SUMF2: variants seen among roughly 807,000 people sequenced by gnomAD.
The protein encoded by SUMF2 is sulfatase modifying factor 2.
A neutral mutation model predicts 44.8 loss-of-function variants in SUMF2; 45 were observed. The observed-to-expected ratio is 1.00, with a 90% CI of 0.79 to 1.29. The LOEUF (loss-of-function observed/expected upper bound fraction) is 1.29. Among genes scored for constraint, SUMF2 ranks in the 50% most tolerant of loss-of-function variants. The pLI is 0.00. For missense variants in SUMF2, 418 were observed against 389.9 expected, an observed-to-expected ratio of 1.07 and a Z score of -0.61; for synonymous variants, 148 against 150.4, an observed-to-expected ratio of 0.98 and a Z score of 0.12.
At chr7:56,077,174 G>A (rs1283783663) in intron 6 of SUMF2, among the ~76,000 whole-genome samples, 1 of 151,108 alleles carries the variant, frequency 6.6e-6, no homozygotes, top group Non-Finnish European at 1.5e-5. Flanking sequence ...AGTCTCCCAA[G>A]TAGTTGGGAT....
At position 56,078,347 on chromosome 7, in the gene SUMF2, C is replaced by G. The variant is rs372803307; in HGVS notation, c.677-17C>G. 2 of 1,582,212 alleles carry G rather than the reference C, an allele frequency of 1.3e-6. No homozygotes were observed. Among genetic ancestry groups the G allele is most frequent in the Non-Finnish European group, 1.7e-6 (2 of 1,161,728 alleles). ...CGGCGGGTCCCAGCCTGGCCTGACC[C>G]GCCGGTGGGGCTGCAGGGCTCTATG... On this transcript the variant is annotated splice_polypyrimidine_tract_variant and intron_variant, in intron 7 of 8. Transcript: ENST00000434526.
chr7:56,078,470 T>G lies in SUMF2; in HGVS notation c.783T>G (p.Ala261=). Residue 261 remains alanine, a synonymous_variant, in exon 8 of 9, where the codon GCT becomes GCG. Coordinates refer to ENST00000434526, the MANE Select transcript of SUMF2 (RefSeq NM_015411.4). ...GGGGGGCATCCTGGATCGACACAGC[T>G]GATGGCTCTGCCAATCACCGGGCCC... ...VLRGASWIDT[A]DGSANHRARV... is the part of the protein sequence containing the mutation. 6.3e-7 allele frequency: 1 copy of G among 1,598,096 alleles called. No homozygotes were observed.
chr7:56,064,432 C>T, intron 1 of SUMF2, 54 bp downstream of exon 1: 1 of 1,555,898 alleles, frequency 6.4e-7, no homozygotes, highest in Non-Finnish European at 8.7e-7. Flanking sequence ...TGGGGCGCTC[C>T]GCCCTGACGG....
At chr7:56,083,560 A>C, downstream of SUMF2, 2 of 1,489,034 alleles carry the variant, frequency 1.3e-6, no homozygotes, top group Non-Finnish European at 1.9e-6. Flanking sequence ...CAGCCCAGAC[A>C]TGTGCACGCC....
the SUMF2 span, among the ~76,000 whole-genome samples, chr7:56,086,187 TTA>T: frequency 1.3e-5 from 2 of 151,726 alleles, no homozygotes; most frequent in African/African-American, 4.8e-5. Context: ...TTGTTCTACT[TTA>T]TATATGTCTA....
downstream of SUMF2, chr7:56,081,399 G>A: frequency 6.9e-7 from 1 of 1,441,986 alleles, no homozygotes; most frequent in Non-Finnish European, 9.2e-7. This position sits in a 1 kb window ranked among gnomAD's most constrained non-coding sequence, Gnocchi z 4.6. Flanking sequence ...ACGAAGCCTT[G>A]GGTGGCTTCT....
chr7:56,079,411 C>G (rs534742538), intron 8 of SUMF2, 117 bp from the exon 9 acceptor site: 1 of 1,049,794 alleles, frequency 9.5e-7, no homozygotes, highest in East Asian at 2.4e-5. Flanking sequence ...CCATGCTCTC[C>G]CCAGCCCTCA....
intron 5 of SUMF2, chr7:56,076,543 G>A (rs150535826): frequency 3.2e-6 from 1 of 314,354 alleles, no homozygotes; most frequent in African/African-American, 2.1e-5. Context: ...CAAGTTTCTC[G>A]ATTTCTGTAC....
At chr7:56,071,700 G>T (rs1232359646) in intron 2 of SUMF2, among the ~76,000 whole-genome samples, 3 of 150,704 alleles carry the variant, frequency 2.0e-5, no homozygotes, top group African/African-American at 7.4e-5. Context: ...CAAGATTATC[G>T]CTTGAACCCA....
At chr7:56,078,322 C>A in intron 7 of SUMF2, 42 bp from the exon 8 acceptor site, 1 of 1,556,408 alleles carries the variant, frequency 6.4e-7, no homozygotes, top group South Asian at 1.2e-5. Flanking sequence ...GCGGGGTGGT[C>A]GGCGGGTCCC....
chr7:56,070,658 T>C (rs754528502), intron 2 of SUMF2, among the ~76,000 whole-genome samples: 58 of 150,854 alleles, frequency 3.8e-4, no homozygotes, highest in Non-Finnish European at 3.4e-4. Flanking sequence ...AAAGATGTGC[T>C]GGAGACCTTT....
intron 1 of SUMF2, among the ~76,000 whole-genome samples, chr7:56,066,206 A>G (rs1454926576): frequency 6.6e-6 from 1 of 152,180 alleles, no homozygotes; most frequent in Non-Finnish European, 1.5e-5. Flanking sequence ...CTTGAGGAAC[A>G]TCAAAAGACA....
intron 1 of SUMF2, among the ~76,000 whole-genome samples, chr7:56,065,190 C>CAAAAA (rs60513641): frequency 1.8e-5 from 1 of 56,558 alleles, no homozygotes; most frequent in Admixed American, 2.2e-4. Flanking sequence ...GACTCCGTCT[C>CAAAAA]AAAAAAAAAA....
the SUMF2 span, chr7:56,087,472 G>A: frequency 2.4e-6 from 2 of 826,470 alleles, no homozygotes; most frequent in African/African-American, 1.7e-5. Flanking sequence ...AGTGAGGGTG[G>A]AGCTGGGAGC....
intron 2 of SUMF2, 119 bp from the exon 3 acceptor site, chr7:56,072,878 A>G: frequency 1.5e-6 from 1 of 677,186 alleles, no homozygotes; most frequent in Middle Eastern, 2.5e-4. Context: ...CTTGGCAATC[A>G]TGAACACTCT....
chr7:56,068,773 G>A (rs543835177), intron 2 of SUMF2, 135 bp downstream of exon 2: 8 of 999,796 alleles, frequency 8.0e-6, no homozygotes, highest in African/African-American at 3.4e-5. Flanking sequence ...GCGCAATCTC[G>A]CTCACTGCAA....
chr7:56,075,944 C>A (rs1444973134), intron 5 of SUMF2, among the ~76,000 whole-genome samples: 1 of 151,998 alleles, frequency 6.6e-6, no homozygotes, highest in East Asian at 2.0e-4. Flanking sequence ...CTCCCTGCAA[C>A]CTCCGCCTCC....
At chr7:56,076,914 C>A in intron 6 of SUMF2, 25 bp downstream of exon 6, 1 of 1,598,310 alleles carries the variant, frequency 6.3e-7, no homozygotes, top group Non-Finnish European at 8.5e-7. Context: ...CCTCCTTTCA[C>A]CAAGCATTGA....
At chr7:56,064,407 G>T in intron 1 of SUMF2, 29 bp downstream of exon 1, 2 of 1,586,088 alleles carry the variant, frequency 1.3e-6, no homozygotes, top group Non-Finnish European at 1.7e-6. Flanking sequence ...CATCCTGGGG[G>T]CGCTGGGAAG....
Sources: gnomAD v4.1 joint callset for allele counts (sites outside exome capture counted in the v4.1 genomes callset) on GRCh38, gnomAD v4.1.1 for gene constraint, Gnocchi (gnomAD v3.1) non-coding constraint, MANE v1.5 for transcripts, NCBI Gene and HGNC (gene_info 2026-07-23, HGNC 2026-07-21) for gene names.